PTPRT: variants seen among roughly 807,000 people sequenced by gnomAD.
PTPRT encodes receptor-type tyrosine-protein phosphatase T.
Under a neutral mutation model 176.8 loss-of-function variants are expected in PTPRT, and 56 were observed. The ratio of observed to expected loss-of-function variants is 0.32; its 90% confidence interval spans 0.26 to 0.40. The LOEUF (loss-of-function observed/expected upper bound fraction) is 0.40. Ranked by LOEUF, PTPRT falls within the 10% of genes least tolerant of loss-of-function variation. The pLI is 1.00. For missense variants in PTPRT, 1,540 were observed against 1,908.2 expected, an observed-to-expected ratio of 0.81 and a Z score of 3.60; for synonymous variants, 783 against 739.0, an observed-to-expected ratio of 1.06 and a Z score of -0.96.
At chr20:42,378,937 T>G (rs921039814) in intron 9 of PTPRT, among the ~76,000 whole-genome samples, 1 of 152,248 alleles carries the variant, frequency 6.6e-6, no homozygotes, top group African/African-American at 2.4e-5. Context: ...GTGAATTCCA[T>G]GTGTAATTTG....
At chr20:42,254,350 T>A (rs908163015) in intron 13 of PTPRT, among the ~76,000 whole-genome samples, 1 of 152,122 alleles carries the variant, frequency 6.6e-6, no homozygotes, top group South Asian at 2.1e-4. Flanking sequence ...AAATGCAGTA[T>A]CTTGAGCCCT....
At chr20:42,793,214 A>T (rs921692557) in intron 2 of PTPRT, among the ~76,000 whole-genome samples, 2 of 152,172 alleles carry the variant, frequency 1.3e-5, no homozygotes, top group African/African-American at 4.8e-5. Flanking sequence ...AAGGGATACA[A>T]GTGCAGCTGT....
chr20:42,412,299 A>G (rs2059026449), intron 9 of PTPRT, among the ~76,000 whole-genome samples: 2 of 152,336 alleles, frequency 1.3e-5, no homozygotes, highest in South Asian at 4.1e-4. Flanking sequence ...CAAAAAGCAC[A>G]TGAAAAATTC....
chr20:42,885,059 G>T (rs1434710823), intron 2 of PTPRT, among the ~76,000 whole-genome samples: 2 of 151,284 alleles, frequency 1.3e-5, no homozygotes, highest in Non-Finnish European at 2.9e-5. Context: ...TTCACACTAG[G>T]CCTTCAGCGC....
intron 29 of PTPRT, among the ~76,000 whole-genome samples, chr20:42,082,512 C>T (rs1416106650): frequency 6.6e-6 from 1 of 152,210 alleles, no homozygotes; most frequent in Non-Finnish European, 1.5e-5. Flanking sequence ...TCTTCCCATC[C>T]TCCACTAAGG....
At chr20:43,106,209 C>A (rs544318340) in intron 1 of PTPRT, among the ~76,000 whole-genome samples, 1 of 152,226 alleles carries the variant, frequency 6.6e-6, no homozygotes, top group Non-Finnish European at 1.5e-5. Context: ...CCCAAACCAC[C>A]TGCCCTCTCT....
chr20:42,371,257 A>T (rs1432419401), intron 9 of PTPRT, among the ~76,000 whole-genome samples: 3 of 152,194 alleles, frequency 2.0e-5, no homozygotes, highest in African/African-American at 7.2e-5. Flanking sequence ...GGACATCCAA[A>T]AGGCACCATC....
At chr20:42,947,535 G>C (rs940176532) in intron 1 of PTPRT, among the ~76,000 whole-genome samples, 6 of 152,098 alleles carry the variant, frequency 3.9e-5, no homozygotes, top group Non-Finnish European at 8.8e-5. Context: ...TTCTCTGGGG[G>C]ACCAGACCAA....
At chr20:42,808,506 G>T (rs936586747) in intron 2 of PTPRT, among the ~76,000 whole-genome samples, 3 of 152,124 alleles carry the variant, frequency 2.0e-5, no homozygotes, top group African/African-American at 7.2e-5. Context: ...CTGGTGAGAG[G>T]GGATGTGGAG....
At chr20:42,376,823 G>A (rs1181715142) in intron 9 of PTPRT, among the ~76,000 whole-genome samples, 2 of 152,152 alleles carry the variant, frequency 1.3e-5, no homozygotes, top group Admixed American at 1.3e-4. Flanking sequence ...AGTCTATAGT[G>A]GGGGAGATGA....
At chr20:43,063,056 T>G (rs1225910122) in intron 1 of PTPRT, among the ~76,000 whole-genome samples, 2 of 152,176 alleles carry the variant, frequency 1.3e-5, no homozygotes, top group Non-Finnish European at 2.9e-5. Flanking sequence ...TTCAGCTCTA[T>G]TTAGGCTTAT....
chr20:42,336,800 G>A (rs1404142130), intron 11 of PTPRT, among the ~76,000 whole-genome samples: 2 of 152,160 alleles, frequency 1.3e-5, no homozygotes, highest in Admixed American at 6.5e-5. Flanking sequence ...CCAAGAACAT[G>A]AGTTTATTGT....
chr20:42,198,729 T>A (rs1305642342), intron 16 of PTPRT, among the ~76,000 whole-genome samples: 1 of 152,220 alleles, frequency 6.6e-6, no homozygotes. Flanking sequence ...GTTTGAGGGA[T>A]GAGGCTTCCA....
intron 7 of PTPRT, among the ~76,000 whole-genome samples, chr20:42,503,179 T>C (rs6016812): frequency 0.13 from 19,880 of 151,980 alleles, 3,058 homozygotes; most frequent in African/African-American, 0.37. Flanking sequence ...TCTTATTTCA[T>C]TGATGTATTC....
At chr20:42,818,703 T>A (rs754371679) in intron 2 of PTPRT, among the ~76,000 whole-genome samples, 12 of 152,136 alleles carry the variant, frequency 7.9e-5, no homozygotes, top group Admixed American at 1.3e-4. Flanking sequence ...CTGAGGAACA[T>A]AAATTACCTG....
At chr20:42,144,307 A>C (rs1175094273) in intron 17 of PTPRT, among the ~76,000 whole-genome samples, 6 of 152,220 alleles carry the variant, frequency 3.9e-5, no homozygotes, top group Non-Finnish European at 8.8e-5. Flanking sequence ...AGTGCTTAGT[A>C]GAGTGCCTAG....
At chr20:42,362,523 T>C (rs1350987629) in intron 9 of PTPRT, among the ~76,000 whole-genome samples, 1 of 152,030 alleles carries the variant, frequency 6.6e-6, no homozygotes, top group Non-Finnish European at 1.5e-5. Context: ...GCTGAGGAGA[T>C]GTCCCAGACT....
At chr20:42,342,836 G>T (rs557871296) in intron 11 of PTPRT, among the ~76,000 whole-genome samples, 1 of 152,282 alleles carries the variant, frequency 6.6e-6, no homozygotes, top group East Asian at 1.9e-4. Context: ...TCCCAATAAA[G>T]TTTCTTCTTT....
At chr20:43,139,039 C>T (rs2013921728) in intron 1 of PTPRT, among the ~76,000 whole-genome samples, 1 of 152,180 alleles carries the variant, frequency 6.6e-6, no homozygotes, top group African/African-American at 2.4e-5. Flanking sequence ...ACTATGAAGC[C>T]CTAATGAAGA....
Sources: allele counts gnomAD v4.1 joint callset (sites outside exome capture counted in the v4.1 genomes callset), GRCh38; gene constraint gnomAD v4.1.1; transcripts MANE v1.5; gene names NCBI Gene and HGNC (gene_info 2026-07-23, HGNC 2026-07-21).